Variants in TUSC7 observed in about 807,000 individuals in gnomAD.
The protein encoded by TUSC7 is LSAMP antisense RNA 3.
chr3:116,713,436 T>A (rs1025120495), intron 1 of TUSC7, among the ~76,000 whole-genome samples: 1 of 152,206 alleles, frequency 6.6e-6, no homozygotes, highest in African/African-American at 2.4e-5. Flanking sequence ...ATAACCTGAA[T>A]CAAAGTCTTA....
intron 1 of TUSC7, among the ~76,000 whole-genome samples, chr3:116,711,296 C>T (rs2051461765): frequency 6.6e-6 from 1 of 152,132 alleles, no homozygotes; most frequent in African/African-American, 2.4e-5. Flanking sequence ...CTATTTCTCT[C>T]TTCATCCTCC....
At chr3:116,713,642 G>C (rs1017416274) in intron 1 of TUSC7, among the ~76,000 whole-genome samples, 6 of 152,172 alleles carry the variant, frequency 3.9e-5, no homozygotes, top group Non-Finnish European at 8.8e-5. Flanking sequence ...GAACACTTAT[G>C]AGCTGTAAAG....
intron 1 of TUSC7, among the ~76,000 whole-genome samples, chr3:116,711,286 C>A (rs116193670): frequency 6.6e-6 from 1 of 152,216 alleles, no homozygotes; most frequent in Admixed American, 6.5e-5. Context: ...ATTGTAGTAA[C>A]TATTTCTCTC....
intron 1 of TUSC7, among the ~76,000 whole-genome samples, chr3:116,715,488 G>A (rs564517748): frequency 1.3e-5 from 2 of 152,106 alleles, no homozygotes; most frequent in African/African-American, 2.4e-5. Flanking sequence ...CCAATATTTG[G>A]TATTACCTGT....
At chr3:116,715,647 T>C (rs530494428) in intron 1 of TUSC7, among the ~76,000 whole-genome samples, 2 of 152,196 alleles carry the variant, frequency 1.3e-5, no homozygotes, top group Admixed American at 1.3e-4. Flanking sequence ...GGTAAGTTAT[T>C]TGGCCCATTT....
intron 1 of TUSC7, among the ~76,000 whole-genome samples, chr3:116,715,029 C>A (rs1253415483): frequency 6.6e-6 from 1 of 152,168 alleles, no homozygotes; most frequent in Non-Finnish European, 1.5e-5. Flanking sequence ...CTCATCTTTT[C>A]ACTGTTTCCA....
chr3:116,713,482 T>C (rs1401943446), intron 1 of TUSC7, among the ~76,000 whole-genome samples: 1 of 152,216 alleles, frequency 6.6e-6, no homozygotes, highest in Non-Finnish European at 1.5e-5. Context: ...AGATGTCACT[T>C]GTGTTTTGTT....
At chr3:116,709,938 G>C (rs76536065) in intron 1 of TUSC7, 17 of 152,240 alleles carry the variant, frequency 1.1e-4, no homozygotes, top group African/African-American at 4.1e-4. Flanking sequence ...AATGTAGGTA[G>C]AGATAAGTCT....
chr3:116,713,828 T>G (rs2051483115), intron 1 of TUSC7, among the ~76,000 whole-genome samples: 1 of 152,078 alleles, frequency 6.6e-6, no homozygotes, highest in African/African-American at 2.4e-5. Flanking sequence ...GAGCCGGGCA[T>G]GGTGGTGCAT....
intron 1 of TUSC7, among the ~76,000 whole-genome samples, chr3:116,714,933 T>C (rs574362357): frequency 2.4e-4 from 36 of 152,318 alleles, no homozygotes; most frequent in Admixed American, 1.6e-3. Flanking sequence ...TCTATACCAC[T>C]ATAGTATTGT....
intron 1 of TUSC7, among the ~76,000 whole-genome samples, chr3:116,714,534 T>C (rs1020103216): frequency 2.4e-4 from 36 of 152,278 alleles, no homozygotes; most frequent in African/African-American, 8.2e-4. Flanking sequence ...AGCCTGAGAA[T>C]CTGAACTTCT....
intron 1 of TUSC7, among the ~76,000 whole-genome samples, chr3:116,715,226 A>G (rs148524558): frequency 5.9e-5 from 9 of 152,192 alleles, no homozygotes; most frequent in African/African-American, 2.2e-4. Context: ...TTCTCCATTC[A>G]CCAACTGAAC....
intron 1 of TUSC7, among the ~76,000 whole-genome samples, chr3:116,713,056 G>A (rs1009738884): frequency 7.9e-5 from 12 of 152,122 alleles, no homozygotes; most frequent in African/African-American, 2.9e-4. Context: ...CTAACCCTGA[G>A]TTCATAATCC....
chr3:116,710,588 T>C (rs915181767), intron 1 of TUSC7, among the ~76,000 whole-genome samples: 3 of 152,060 alleles, frequency 2.0e-5, no homozygotes, highest in African/African-American at 7.2e-5. Context: ...ATTCTAAATA[T>C]AAAAAACTGA....
intron 1 of TUSC7, chr3:116,714,091 A>G (rs555361891): frequency 6.6e-6 from 1 of 152,300 alleles, no homozygotes; most frequent in East Asian, 1.9e-4. Flanking sequence ...AGAAGCATAC[A>G]TCTTTTACCC....
chr3:116,711,451 C>A lies in TUSC7; in HGVS notation n.98+1575C>A, dbSNP rs530629849. 5.3e-5 allele frequency among the ~76,000 whole-genome samples: 8 copies of A among 152,204 alleles called. No homozygotes were observed. The South Asian group carries it at 1.7e-3, about 32-fold the overall frequency. Reference sequence around the variant, plus strand: ...GGACTAAGAGGGCATGATTATTATTCAGGAAACCTGTTTTGTTTATTTTTT... The same window carrying A: ...GGACTAAGAGGGCATGATTATTATTAAGGAAACCTGTTTTGTTTATTTTTT... On this transcript the variant is annotated intron_variant and non_coding_transcript_variant, in intron 1 of 2. Coordinates refer to ENST00000477805, the Ensembl canonical transcript of TUSC7.
At chr3:116,715,435 C>T (rs969283152) in intron 1 of TUSC7, among the ~76,000 whole-genome samples, 4 of 152,088 alleles carry the variant, frequency 2.6e-5, no homozygotes, top group African/African-American at 9.7e-5. Flanking sequence ...ATTTAGCATT[C>T]CCACTAACAG....
chr3:116,711,111 A>G (rs767864268), intron 1 of TUSC7, among the ~76,000 whole-genome samples: 1 of 152,216 alleles, frequency 6.6e-6, no homozygotes, highest in Non-Finnish European at 1.5e-5. Context: ...TGAATTTATA[A>G]TTAAACTTTG....
At chr3:116,713,382 C>T (rs1425197154) in intron 1 of TUSC7, among the ~76,000 whole-genome samples, 1 of 152,140 alleles carries the variant, frequency 6.6e-6, no homozygotes, top group African/African-American at 2.4e-5. Flanking sequence ...GACGTTGAGA[C>T]CCACTTAATA....
Sources: gnomAD v4.1 joint callset for allele counts (sites outside exome capture counted in the v4.1 genomes callset) on GRCh38, gnomAD v4.1.1 for gene constraint, MANE v1.5 for transcripts, NCBI Gene and HGNC (gene_info 2026-07-23, HGNC 2026-07-21) for gene names.